HM13: variants seen among roughly 807,000 people sequenced by gnomAD.
The protein encoded by HM13 is histocompatibility minor 13, also known as signal peptide peptidase.
HM13 carries 18 observed loss-of-function variants against 50.0 expected under a neutral mutation model. The ratio of observed to expected loss-of-function variants is 0.36; its 90% CI spans 0.25 to 0.53. The LOEUF is 0.53. Among genes scored for constraint, HM13 ranks in the 20% least tolerant of loss-of-function variants. HM13 has a pLI of 0.90. For synonymous variants in HM13, 197 were observed against 232.6 expected (o/e 0.85, Z 1.39); for missense variants, 393 against 552.4 (o/e 0.71, Z 2.89).
intron 1 of HM13, among the ~76,000 whole-genome samples, chr20:31,526,815 C>T (rs754496230): frequency 3.3e-5 from 5 of 152,198 alleles, no homozygotes; most frequent in Non-Finnish European, 7.3e-5. Context: ...TATTCATTAC[C>T]TACTGGATGA....
At chr20:31,557,917 G>T (rs913550495) in intron 8 of HM13, among the ~76,000 whole-genome samples, 1 of 152,110 alleles carries the variant, frequency 6.6e-6, no homozygotes, top group Non-Finnish European at 1.5e-5. Flanking sequence ...ATTTTAGTCA[G>T]GCTGGTCTTG....
chr20:31,527,883 C>A, intron 2 of HM13: 1 of 250,296 alleles, frequency 4.0e-6, no homozygotes, highest in Non-Finnish European at 7.4e-6. Context: ...CATACCTCTA[C>A]CATACTAATG....
intron 4 of HM13, chr20:31,548,318 T>C (rs1332125021): frequency 2.8e-6 from 1 of 358,054 alleles, no homozygotes; most frequent in Non-Finnish European, 5.2e-6. Flanking sequence ...CAGCCTCTAG[T>C]TGTCTTCTTA....
intron 1 of HM13, among the ~76,000 whole-genome samples, chr20:31,525,268 C>T (rs1982417909): frequency 6.6e-6 from 1 of 152,162 alleles, no homozygotes; most frequent in African/African-American, 2.4e-5. Flanking sequence ...TGTGGGCTTA[C>T]TGCCCTCTGC....
chr20:31,524,710 C>CT (rs1156549702), intron 1 of HM13, among the ~76,000 whole-genome samples: 2,084 of 110,740 alleles, frequency 0.019, 51 homozygotes, highest in Non-Finnish European at 0.021. Flanking sequence ...TGTTGTGTGG[C>CT]TTTTTTTTTT....
intron 7 of HM13, among the ~76,000 whole-genome samples, chr20:31,553,127 C>G (rs1984116311): frequency 6.6e-6 from 1 of 151,994 alleles, no homozygotes; most frequent in South Asian, 2.1e-4. Context: ...GAAACCCTGT[C>G]TCTACTAAAA....
At chr20:31,558,655 C>T (rs528096609) in intron 8 of HM13, among the ~76,000 whole-genome samples, 1 of 152,260 alleles carries the variant, frequency 6.6e-6, no homozygotes, top group East Asian at 1.9e-4. Flanking sequence ...ACATGGGAAG[C>T]ACAATTCTCC....
At position 31,536,920 on chromosome 20, in the gene HM13, T is replaced by TCTCC. The variant is rs1983147719; in HGVS notation, c.283-1255_283-1252dup. 2.0e-5 allele frequency among the ~76,000 whole-genome samples: 3 copies of TCTCC among 152,348 alleles called. No individual in the cohort carries two copies. In the South Asian group the frequency reaches 6.2e-4, roughly 32 times the overall value. On this transcript the variant is annotated intron_variant, in intron 2 of 12. Coordinates refer to ENST00000398174, the MANE Select transcript of HM13 (RefSeq NM_178581.3). ...TGTAACTGTTTCTTTCGAGATTCTT[T>TCTCC]CTCCCTCACTGGCCCATGACCTCTA...
At chr20:31,538,493 C>T in intron 3 of HM13, 1 of 1,405,370 alleles carries the variant, frequency 7.1e-7, no homozygotes, top group Non-Finnish European at 9.3e-7. Context: ...GTTTCCACCA[C>T]CACAGCTGTT....
intron 2 of HM13, among the ~76,000 whole-genome samples, chr20:31,533,474 C>T (rs1982933802): frequency 6.6e-6 from 1 of 152,222 alleles, no homozygotes; most frequent in South Asian, 2.1e-4. Flanking sequence ...CACTGCACTC[C>T]AGCCTGGGTG....
chr20:31,531,228 A>G (rs777106218), intron 2 of HM13, among the ~76,000 whole-genome samples: 2 of 151,976 alleles, frequency 1.3e-5, no homozygotes, highest in African/African-American at 4.8e-5. Context: ...TATTTTTAGT[A>G]GAGACGGGGT....
chr20:31,541,243 A>G (rs6059873), intron 3 of HM13: 47,214 of 151,708 alleles, frequency 0.31, 12,156 homozygotes, highest in African/African-American at 0.71. Flanking sequence ...CACTTTGGGA[A>G]CCCTAGGCTG....
chr20:31,564,775 C>T (rs551460111), intron 10 of HM13, among the ~76,000 whole-genome samples: 7 of 148,316 alleles, frequency 4.7e-5, no homozygotes, highest in Admixed American at 1.4e-4. Flanking sequence ...ACTCAGGAGG[C>T]GGAGGTTGCA....
chr20:31,549,402 G>A, intron 6 of HM13, 70 bp downstream of exon 6: 1 of 1,597,640 alleles, frequency 6.3e-7, no homozygotes, highest in Admixed American at 1.7e-5. Context: ...TGCCTCTCTG[G>A]CCCAAGTTGC....
intron 11 of HM13, 26 bp downstream of exon 11, chr20:31,566,321 C>T (rs1402423357): frequency 6.3e-7 from 1 of 1,578,024 alleles, no homozygotes; most frequent in East Asian, 2.2e-5. Flanking sequence ...GGGCAGATGT[C>T]CTCATGGGCA....
chr20:31,563,346 T>G (rs1475486037), intron 10 of HM13: 2 of 152,232 alleles, frequency 1.3e-5, no homozygotes, highest in Non-Finnish European at 2.9e-5. Context: ...AGTGCTAGCA[T>G]TGGTCTAGGT....
At chr20:31,515,966 A>G (rs1294086349) in intron 1 of HM13, among the ~76,000 whole-genome samples, 1 of 152,066 alleles carries the variant, frequency 6.6e-6, no homozygotes, top group Non-Finnish European at 1.5e-5. Context: ...ACACTACCCA[A>G]CTTGAGCAGT....
At chr20:31,560,122 T>G (rs1984524855) in intron 9 of HM13, among the ~76,000 whole-genome samples, 1 of 152,216 alleles carries the variant, frequency 6.6e-6, no homozygotes, top group Non-Finnish European at 1.5e-5. Context: ...CCCTGCCCTC[T>G]CTTTACTCAG....
At chr20:31,523,510 G>A (rs1049101060) in intron 1 of HM13, among the ~76,000 whole-genome samples, 4 of 152,064 alleles carry the variant, frequency 2.6e-5, no homozygotes, top group Non-Finnish European at 2.9e-5. Context: ...TGATCCGCCC[G>A]CCTCCATCTC....
Sources: gnomAD v4.1 joint callset for allele counts (sites outside exome capture counted in the v4.1 genomes callset) on GRCh38, gnomAD v4.1.1 for gene constraint, MANE v1.5 for transcripts, NCBI Gene and HGNC (gene_info 2026-07-23, HGNC 2026-07-21) for gene names.